SLC31A1: variants seen among roughly 807,000 people sequenced by gnomAD.
SLC31A1 encodes the protein high affinity copper uptake protein 1.
SLC31A1 carries 5 observed loss-of-function variants against 17.2 expected under a neutral mutation model. The observed-to-expected ratio is 0.29, with a 90% CI of 0.15 to 0.61. The LOEUF is 0.61. SLC31A1 is among the 20% of genes least tolerant of loss of function. The pLI, the probability that SLC31A1 is intolerant of heterozygous loss-of-function variation, is 0.86. For missense variants in SLC31A1, 161 were observed against 241.4 expected (o/e 0.67, Z 2.21); for synonymous variants, 76 against 78.8 (o/e 0.96, Z 0.19).
chr9:113,244,047 C>T (rs1418755330), intron 1 of SLC31A1, among the ~76,000 whole-genome samples: 4 of 150,328 alleles, frequency 2.7e-5, no homozygotes, highest in Non-Finnish European at 5.9e-5. Flanking sequence ...CCCAGCTACT[C>T]GAGAGGCTGA....
intron 1 of SLC31A1, among the ~76,000 whole-genome samples, chr9:113,224,252 G>C (rs1319443380): frequency 6.6e-6 from 1 of 152,174 alleles, no homozygotes; most frequent in Non-Finnish European, 1.5e-5. Flanking sequence ...TATAGAAAGA[G>C]CTTGCTAGCC....
intron 1 of SLC31A1, chr9:113,223,225 T>C (rs1251811366): frequency 4.4e-6 from 2 of 453,794 alleles, no homozygotes; most frequent in Non-Finnish European, 8.9e-6. Flanking sequence ...ATACGCAGAT[T>C]ATCACTGTAG....
At chr9:113,222,773 G>T (rs1031052753) in intron 1 of SLC31A1, among the ~76,000 whole-genome samples, 7 of 152,210 alleles carry the variant, frequency 4.6e-5, no homozygotes, top group Non-Finnish European at 7.3e-5. Context: ...ACTAGCACTA[G>T]AACTGTTGCA....
chr9:113,242,476 C>T (rs536753249), intron 1 of SLC31A1, among the ~76,000 whole-genome samples: 13 of 152,278 alleles, frequency 8.5e-5, no homozygotes, highest in African/African-American at 2.9e-4. Flanking sequence ...TCATGGCACA[C>T]TGCAGCTTTG....
At chr9:113,237,280 G>A (rs535962495) in intron 1 of SLC31A1, among the ~76,000 whole-genome samples, 25 of 152,284 alleles carry the variant, frequency 1.6e-4, no homozygotes, top group African/African-American at 5.8e-4. Flanking sequence ...TGCTCTGGAG[G>A]GGGGTAACGA....
intron 1 of SLC31A1, among the ~76,000 whole-genome samples, chr9:113,236,884 T>G (rs1476273696): frequency 6.6e-6 from 1 of 152,222 alleles, no homozygotes; most frequent in African/African-American, 2.4e-5. Context: ...TCCCCTTGCC[T>G]GGGAATTATC....
chr9:113,238,270 A>G (rs1232673392), intron 1 of SLC31A1, among the ~76,000 whole-genome samples: 2 of 152,208 alleles, frequency 1.3e-5, no homozygotes, highest in Non-Finnish European at 2.9e-5. Flanking sequence ...GGTCAGGGAT[A>G]CTGTTAAACA....
At chr9:113,246,153 C>T (rs1382174033) in intron 1 of SLC31A1, among the ~76,000 whole-genome samples, 2 of 151,970 alleles carry the variant, frequency 1.3e-5, no homozygotes, top group African/African-American at 2.4e-5. Flanking sequence ...CAGGCACAAG[C>T]GATCCTCCCA....
intron 1 of SLC31A1, among the ~76,000 whole-genome samples, chr9:113,223,624 T>C (rs942177102): frequency 1.3e-5 from 2 of 152,216 alleles, no homozygotes; most frequent in Non-Finnish European, 2.9e-5. Flanking sequence ...ATAAAATATA[T>C]TGTCAACCCC....
At chr9:113,233,589 T>A (rs1358858392) in intron 1 of SLC31A1, among the ~76,000 whole-genome samples, 1 of 152,232 alleles carries the variant, frequency 6.6e-6, no homozygotes, top group Non-Finnish European at 1.5e-5. Flanking sequence ...ACTTACACAG[T>A]GCGTTAGAAA....
intron 1 of SLC31A1, among the ~76,000 whole-genome samples, chr9:113,236,968 GC>G (rs1831466699): frequency 6.6e-6 from 1 of 152,184 alleles, no homozygotes; most frequent in South Asian, 2.1e-4. Flanking sequence ...TTCACACAAA[GC>G]CATGATAATC....
intron 1 of SLC31A1, among the ~76,000 whole-genome samples, chr9:113,249,662 G>A (rs577248084): frequency 4.6e-5 from 7 of 151,988 alleles, no homozygotes; most frequent in East Asian, 3.9e-4. Flanking sequence ...CACCACACCC[G>A]GCCACAGTAA....
Position 113,240,798 on chromosome 9 carries a change from C to G in SLC31A1, c.-35-15316C>G, listed in dbSNP as rs1831512903. Among the ~76,000 whole-genome samples, 3 of 152,182 alleles carry G rather than the reference C, an allele frequency of 2.0e-5. 1 individual carries two copies. In the South Asian group the frequency reaches 6.2e-4, roughly 32 times the overall value. The stretch of plus-strand genomic sequence containing the variant: ...GGCACGGTGGCTCACACCTGTAATC[C>G]TAGCACTTTGGGAGGCCGAGGCAGG... On this transcript the variant is annotated intron_variant, in intron 1 of 4. Transcript: ENST00000374212.
At chr9:113,235,799 AAC>A (rs1831451756) in intron 1 of SLC31A1, among the ~76,000 whole-genome samples, 2 of 152,216 alleles carry the variant, frequency 1.3e-5, no homozygotes, top group East Asian at 3.8e-4. Context: ...TGACTCTGAG[AAC>A]AGAGTGGGCT....
At chr9:113,250,953 C>T (rs1429286810) in intron 1 of SLC31A1, among the ~76,000 whole-genome samples, 1 of 152,176 alleles carries the variant, frequency 6.6e-6, no homozygotes, top group Non-Finnish European at 1.5e-5. Flanking sequence ...CACATGCCCA[C>T]TTGCCTTTCT....
At chr9:113,247,336 C>G in intron 1 of SLC31A1, among the ~76,000 whole-genome samples, 1 of 152,164 alleles carries the variant, frequency 6.6e-6, no homozygotes, top group Non-Finnish European at 1.5e-5. Flanking sequence ...AAGAACTGTC[C>G]CGGGCTCCAG....
At chr9:113,237,509 T>G (rs977174829) in intron 1 of SLC31A1, among the ~76,000 whole-genome samples, 2 of 152,124 alleles carry the variant, frequency 1.3e-5, no homozygotes, top group East Asian at 3.8e-4. Context: ...CAAAAAAAGC[T>G]TACTTGATGT....
chr9:113,254,597 T>C (rs1169563074), intron 1 of SLC31A1, among the ~76,000 whole-genome samples: 1 of 152,054 alleles, frequency 6.6e-6, no homozygotes, highest in Non-Finnish European at 1.5e-5. Context: ...CAACTCTAGC[T>C]ATAGGAGTTA....
intron 1 of SLC31A1, among the ~76,000 whole-genome samples, chr9:113,249,294 T>A (rs1010157134): frequency 1.3e-5 from 1 of 75,200 alleles, no homozygotes; most frequent in South Asian, 5.0e-4. Context: ...TATACCTCAA[T>A]TGGCAAAAAA....
Sources: allele counts gnomAD v4.1 joint callset (sites outside exome capture counted in the v4.1 genomes callset), GRCh38; gene constraint gnomAD v4.1.1; transcripts MANE v1.5; gene names NCBI Gene and HGNC (gene_info 2026-07-23, HGNC 2026-07-21).